Variants in UTP20 observed in about 807,000 individuals in gnomAD.
The protein encoded by UTP20 is UTP20 small subunit processome component.
Under a neutral mutation model 329.5 loss-of-function variants are expected in UTP20, and 164 were observed. The ratio of observed to expected loss-of-function variants is 0.50; its 90% CI spans 0.44 to 0.57. The LOEUF is 0.57. Among genes scored for constraint, UTP20 ranks in the 20% least tolerant of loss-of-function variants. The probability of loss-of-function intolerance (pLI) is 0.00; values close to 1 mark genes in which losing one functional copy is unlikely to be tolerated. For synonymous variants in UTP20, 1,151 were observed against 1,159.3 expected, an observed-to-expected ratio of 0.99 and a Z score of 0.14; for missense variants, 3,055 against 3,284.2, an observed-to-expected ratio of 0.93 and a Z score of 1.71.
chr12:101,333,092 T>C (rs1205971332), intron 27 of UTP20, among the ~76,000 whole-genome samples: 5 of 152,236 alleles, frequency 3.3e-5, no homozygotes, highest in East Asian at 1.9e-4. Flanking sequence ...GGCAGTGATA[T>C]TGTTTTAAGA....
intron 26 of UTP20, among the ~76,000 whole-genome samples, chr12:101,327,861 A>G (rs1868618875): frequency 6.6e-6 from 1 of 152,176 alleles, no homozygotes; most frequent in South Asian, 2.1e-4. Flanking sequence ...GCCAGATGTT[A>G]TGACAGACCC....
chr12:101,344,827 A>G, intron 36 of UTP20, 77 bp downstream of exon 36: 3 of 1,308,128 alleles, frequency 2.3e-6, no homozygotes, highest in Non-Finnish European at 1.1e-6. Context: ...CTACTGTTGT[A>G]TAGAAAAGTA....
Position 101,343,036 on chromosome 12 carries a change from A to T in UTP20, c.4392A>T (p.Gln1464His). ...TCACCTCTTACATTAAAGAAATGCA[A>T]ATTGTGGATGTTAACTACCTAATTC... ...QTITSYIKEM[Q>H]IVDVNYLIPV... Residue 1464 changes from glutamine (Q) to histidine (H), a missense_variant, in exon 35 of 62, where the codon CAA becomes CAT. Coordinates refer to ENST00000261637, the MANE Select transcript of UTP20 (RefSeq NM_014503.3). 1 of 1,613,410 alleles carries T rather than the reference A, an allele frequency of 6.2e-7. No individual in the cohort carries two copies. Among genetic ancestry groups the T allele is most frequent in the Non-Finnish European group, 8.5e-7 (1 of 1,179,498 alleles).
chr12:101,290,852 C>T lies in UTP20; in HGVS notation c.855C>T (p.Ser285=). ...TCAAATCCACTGTATCCTACATCTC[C>T]AAGGAACATTTTGGTACATTTTTTG... ...NMVKSTVSYI[S]KEHFGTFFEC... is the part of the protein sequence containing the mutation. Residue 285 remains serine (S), a synonymous_variant, in exon 8 of 62, where the codon TCC becomes TCT. Coordinates refer to ENST00000261637, the MANE Select transcript of UTP20 (RefSeq NM_014503.3). 6.2e-7 allele frequency: 1 copy of T among 1,613,324 alleles called. No homozygotes were observed. The highest frequency in any genetic ancestry group is 8.5e-7 in the Non-Finnish European group (1 of 1,179,714).
rs558721823 is a variant in UTP20 at position 101,361,774 on chromosome 12, G to A, written c.5692-188G>A. Among the ~76,000 whole-genome samples the A allele has an allele frequency of 2.0e-5, 3 of 152,214 alleles. No homozygotes were observed. In the South Asian group the frequency reaches 6.2e-4, roughly 32 times the overall value. On this transcript the variant is annotated intron_variant, in intron 43 of 61. Transcript: ENST00000261637. ...TGGTAGTGGGTTTCTGAACACCTTT[G>A]GTACAAAGTGATCATTTGGTTACAG...
At chr12:101,333,869 G>A (rs189368809) in intron 28 of UTP20, among the ~76,000 whole-genome samples, 225 of 152,284 alleles carry the variant, frequency 1.5e-3, no homozygotes, top group African/African-American at 4.8e-3. Context: ...TCGCCATGTT[G>A]GCCAGGCTGG....
intron 8 of UTP20, 63 bp downstream of exon 8, chr12:101,290,951 C>T (rs1872124597): frequency 6.6e-7 from 1 of 1,524,146 alleles, no homozygotes; most frequent in African/African-American, 1.4e-5. Context: ...TGTTTCTGCT[C>T]TCAGTTTTGC....
At chr12:101,326,913 C>A (rs1868577576) in intron 25 of UTP20, 168 bp from the exon 26 acceptor site, 1 of 741,046 alleles carries the variant, frequency 1.3e-6, no homozygotes, top group Non-Finnish European at 2.0e-6. Context: ...TTGTTGTTGA[C>A]TTTTTTCATT....
chr12:101,363,812 C>T (rs1315683674), intron 45 of UTP20, 69 bp downstream of exon 45: 19 of 1,027,296 alleles, frequency 1.8e-5, no homozygotes, highest in South Asian at 4.2e-5. Context: ...AGGAACCATG[C>T]GGGGCAAACT....
At chr12:101,361,796 A>T in intron 43 of UTP20, among the ~76,000 whole-genome samples, 166 bp from the exon 44 acceptor site, 1 of 152,186 alleles carries the variant, frequency 6.6e-6, no homozygotes, top group Non-Finnish European at 1.5e-5. Context: ...TCATTTGGTT[A>T]CAGGATTTTA....
At chr12:101,347,870 C>T (rs1869382251) in intron 38 of UTP20, among the ~76,000 whole-genome samples, 1 of 152,160 alleles carries the variant, frequency 6.6e-6, no homozygotes, top group African/African-American at 2.4e-5. Context: ...ACTCTGTCAC[C>T]TAGGCTGGAG....
Position 101,290,216 on chromosome 12 carries a change from A to C in UTP20, c.677A>C (p.Gln226Pro). The C allele has an allele frequency of 6.2e-7, 1 of 1,608,758 alleles. No homozygotes were observed. The highest frequency in any genetic ancestry group is 8.5e-7 in the Non-Finnish European group (1 of 1,177,422). ...CCAGAAAAAGTTGAAGGTGTTGGAC[A>C]GTTGCTCTTTGAAATGTGCAAAGGA... ...KHPEKVEGVG[Q>P]LLFEMCKGVR... The change falls in exon 7 of 62, where the codon CAG (glutamine) becomes CCG (proline). Residue 226 changes from glutamine to proline, a missense_variant. Transcript: ENST00000261637.
At chr12:101,354,028 A>G (rs1363490678) in intron 40 of UTP20, among the ~76,000 whole-genome samples, 1 of 152,130 alleles carries the variant, frequency 6.6e-6, no homozygotes, top group Admixed American at 6.6e-5. Context: ...TGGGAGGCCT[A>G]CGCAGGTGGA....
chr12:101,286,288 C>T, intron 4 of UTP20, 33 bp from the exon 5 acceptor site: 2 of 1,520,296 alleles, frequency 1.3e-6, no homozygotes, highest in Non-Finnish European at 8.8e-7. Flanking sequence ...TTAAAAAAAT[C>T]CACATGATCA....
chr12:101,325,194 A>G (rs575730140), intron 25 of UTP20, among the ~76,000 whole-genome samples: 29 of 152,320 alleles, frequency 1.9e-4, no homozygotes, highest in African/African-American at 4.6e-4. Context: ...TTCAAATGAT[A>G]TCTATAACCA....
intron 11 of UTP20, among the ~76,000 whole-genome samples, chr12:101,294,052 T>A (rs1872261733): frequency 6.6e-6 from 1 of 152,160 alleles, no homozygotes; most frequent in South Asian, 2.1e-4. Flanking sequence ...TCTTTTTTTT[T>A]AGAGACGGAG....
At chr12:101,333,548 T>C in intron 28 of UTP20, 104 bp downstream of exon 28, 1 of 1,404,260 alleles carries the variant, frequency 7.1e-7, no homozygotes, top group Non-Finnish European at 9.6e-7. Context: ...ACCTGGGTCT[T>C]TCCTTTTACA....
At position 101,356,935 on chromosome 12, in the gene UTP20, G is replaced by C; in HGVS notation, c.5544G>C (p.Leu1848=). 2 of 1,602,992 alleles carry C rather than the reference G, an allele frequency of 1.2e-6. No individual in the cohort carries two copies. Among genetic ancestry groups the C allele is most frequent in the Non-Finnish European group, 1.7e-6 (2 of 1,177,156 alleles). The change falls in exon 43 of 62, where the codon CTG becomes CTC. Residue 1848 remains leucine (L), a synonymous_variant. Transcript: ENST00000261637. The part of the protein sequence containing the change: ...VMEANLPSIL[L]KVCALLKNRA... ...ACTTCTCATTTTCTAGTATTTTGCT[G>C]AAAGTGTGTGCCCTACTCAAGAACA...
At position 101,329,227 on chromosome 12, in the gene UTP20, C is replaced by T. The variant is rs766331700; in HGVS notation, c.3209-14C>T. ...GTTACCTTACATGACCTCTCGTCCTCTTTGTTTCACTAGGAGAGTGCCATT... is the reference window on the plus strand; with the variant it reads ...GTTACCTTACATGACCTCTCGTCCTTTTTGTTTCACTAGGAGAGTGCCATT... On this transcript the variant is annotated splice_polypyrimidine_tract_variant and intron_variant, in intron 26 of 61. Coordinates refer to ENST00000261637, the MANE Select transcript of UTP20 (RefSeq NM_014503.3). The T allele has an allele frequency of 6.2e-7, 1 of 1,612,108 alleles. No homozygotes were observed. The highest frequency in any genetic ancestry group is 1.1e-5 in the South Asian group (1 of 90,958).
Sources: gnomAD v4.1 joint callset for allele counts (sites outside exome capture counted in the v4.1 genomes callset) on GRCh38, gnomAD v4.1.1 for gene constraint, MANE v1.5 for transcripts, NCBI Gene and HGNC (gene_info 2026-07-23, HGNC 2026-07-21) for gene names.